Variants in ZNF33B observed in about 807,000 individuals in gnomAD.
The protein encoded by ZNF33B is zinc finger protein 33B.
In ZNF33B, 29 loss-of-function variants were observed where a neutral mutation model predicts 45.8. The ratio of observed to expected loss-of-function variants is 0.63; its 90% confidence interval spans 0.47 to 0.86. The LOEUF (loss-of-function observed/expected upper bound fraction) is 0.86. ZNF33B is among the 40% of genes least tolerant of loss of function. The probability of loss-of-function intolerance (pLI) is 0.00; values close to 1 mark genes in which losing one functional copy is unlikely to be tolerated. For synonymous variants in ZNF33B, 305 were observed against 307.8 expected (o/e 0.99, Z 0.10); for missense variants, 831 against 909.9 (o/e 0.91, Z 1.12).
intron 4 of ZNF33B, among the ~76,000 whole-genome samples, chr10:42,619,038 T>G (rs537054417): frequency 6.6e-6 from 1 of 151,978 alleles, no homozygotes; most frequent in East Asian, 1.9e-4. Context: ...TGTTCTCGAA[T>G]GGACAACTGG....
intron 4 of ZNF33B, among the ~76,000 whole-genome samples, chr10:42,597,946 C>T (rs557575597): frequency 5.4e-4 from 82 of 152,176 alleles, no homozygotes; most frequent in Non-Finnish European, 1.0e-3. Context: ...ATTGGAAACA[C>T]CTGTTTATGC....
chr10:42,580,144 C>T (rs1836803224), intron 1 of ZNF33B, among the ~76,000 whole-genome samples: 2 of 152,124 alleles, frequency 1.3e-5, no homozygotes, highest in Non-Finnish European at 2.9e-5. Context: ...ATACCTGGCA[C>T]CAATATTATA....
rs1373402433 is a variant in ZNF33B at position 42,590,511 on chromosome 10, A to G, written c.*2102T>C. On this transcript the variant is annotated 3_prime_UTR_variant, in exon 5 of 5. Coordinates refer to ENST00000359467, the MANE Select transcript of ZNF33B (RefSeq NM_006955.3). ...GTGATTCTTCTGCCTCAGCCTCCTG[A>G]GTAGCTTGGACTATACACGCATGCC... 6.6e-6 allele frequency: 1 copy of G among 152,200 alleles called. No homozygotes were observed. The highest frequency in any genetic ancestry group is 2.4e-5 in the African/African-American group (1 of 41,416). 9.4% of individuals were successfully genotyped at this position (152,200 alleles called of 1,614,324 possible).
chr10:42,601,476 T>G (rs1052455980), intron 4 of ZNF33B, among the ~76,000 whole-genome samples: 54 of 137,530 alleles, frequency 3.9e-4, no homozygotes, highest in Non-Finnish European at 2.4e-4. Flanking sequence ...TTGTTTTTTT[T>G]TTTTTTTTTT....
At chr10:42,605,232 A>G (rs1564508878) in intron 4 of ZNF33B, 1 of 150,770 alleles carries the variant, frequency 6.6e-6, no homozygotes, top group Non-Finnish European at 1.5e-5. Flanking sequence ...CACAAGAAAG[A>G]CAGAGAAGTT....
intron 1 of ZNF33B, among the ~76,000 whole-genome samples, chr10:42,576,008 A>G (rs902811096): frequency 1.3e-5 from 2 of 151,834 alleles, no homozygotes; most frequent in Non-Finnish European, 2.9e-5. Flanking sequence ...CTCCTGCCTC[A>G]GCCTTCTGAG....
chr10:42,599,345 A>G (rs1357198952), intron 4 of ZNF33B, among the ~76,000 whole-genome samples: 1 of 151,962 alleles, frequency 6.6e-6, no homozygotes, highest in Non-Finnish European at 1.5e-5. Flanking sequence ...TTCTACTATT[A>G]TATGGATTTG....
intron 4 of ZNF33B, among the ~76,000 whole-genome samples, chr10:42,631,244 C>T (rs1246958601): frequency 6.6e-6 from 1 of 151,822 alleles, no homozygotes. Context: ...CTCGCTCTGT[C>T]GCCCAGGCTA....
Position 42,634,790 on chromosome 10 carries a change from G to A in ZNF33B, c.9+2130C>T, listed in dbSNP as rs548651401. On this transcript the variant is annotated intron_variant, in intron 2 of 4. Coordinates refer to ENST00000359467, the MANE Select transcript of ZNF33B (RefSeq NM_006955.3). Reference sequence around the variant, plus strand: ...AGACACCCATTCCAATGAAAGAGAGGTAAATGTGAATGCCAAAACAATAAA... The same window carrying A: ...AGACACCCATTCCAATGAAAGAGAGATAAATGTGAATGCCAAAACAATAAA... Among the ~76,000 whole-genome samples, 3 of 152,298 alleles carry A rather than the reference G, an allele frequency of 2.0e-5. No homozygotes were observed. The East Asian group carries it at 5.8e-4, about 29-fold the overall frequency.
At chr10:42,605,082 C>T (rs1347094289) in intron 4 of ZNF33B, 1 of 151,242 alleles carries the variant, frequency 6.6e-6, no homozygotes, top group East Asian at 1.9e-4. Context: ...TTAACTACAC[C>T]AATATATTCA....
chr10:42,581,301 T>A (rs1836819352), intron 1 of ZNF33B, among the ~76,000 whole-genome samples: 3 of 151,570 alleles, frequency 2.0e-5, no homozygotes, highest in Admixed American at 1.3e-4. Context: ...ACCTCGTTAC[T>A]AAAAATACAA....
chr10:42,627,200 C>T (rs1289762427), intron 4 of ZNF33B, among the ~76,000 whole-genome samples: 4 of 152,138 alleles, frequency 2.6e-5, no homozygotes, highest in Non-Finnish European at 4.4e-5. Context: ...GACGGAGTTT[C>T]ACCATGTTGG....
chr10:42,632,530 T>A (rs1839109040), intron 2 of ZNF33B, 91 bp from the exon 3 acceptor site: 1 of 1,487,802 alleles, frequency 6.7e-7, no homozygotes, highest in Non-Finnish European at 9.0e-7. Context: ...TTTTGCTTTA[T>A]ACTTTTAGGG....
intron 2 of ZNF33B, among the ~76,000 whole-genome samples, chr10:42,632,695 C>CA (rs1459744621): frequency 3.3e-5 from 5 of 152,170 alleles, no homozygotes; most frequent in Admixed American, 3.3e-4. Context: ...AAAGAACACA[C>CA]AGAGTGGTAA....
chr10:42,583,728 C>A (rs1440187083), intron 1 of ZNF33B, among the ~76,000 whole-genome samples: 2 of 152,094 alleles, frequency 1.3e-5, no homozygotes, highest in African/African-American at 4.8e-5. Flanking sequence ...TGCAATACTT[C>A]CCTTAACTCG....
At chr10:42,597,123 C>T (rs912667537) in intron 4 of ZNF33B, among the ~76,000 whole-genome samples, 8 of 151,958 alleles carry the variant, frequency 5.3e-5, no homozygotes, top group African/African-American at 1.9e-4. Flanking sequence ...GAAATGGATG[C>T]TAAATTTTGT....
chr10:42,604,712 G>A lies in ZNF33B; in HGVS notation c.251-10013C>T, dbSNP rs112307903. On this transcript the variant is annotated intron_variant, in intron 4 of 4. Transcript: ENST00000359467. The stretch of plus-strand genomic sequence containing the variant: ...CAAATCACCTGACGTCTAGGAGTTC[G>A]AGACCAGCCTGACCAACATGGTGAA... Among the ~76,000 whole-genome samples, 1,356 of 152,120 alleles carry A rather than the reference G, an allele frequency of 8.9e-3. 16 individuals are homozygous for A. The highest frequency in any genetic ancestry group is 0.031 in the African/African-American group (1,277 of 41,512).
At chr10:42,632,091 G>T (rs1839087093) in intron 3 of ZNF33B, 67 bp from the exon 4 acceptor site, 1 of 1,550,060 alleles carries the variant, frequency 6.5e-7, no homozygotes, top group Non-Finnish European at 8.9e-7. Context: ...GAAGCAGGAA[G>T]AAGCTTCTGG....
chr10:42,624,247 C>T (rs1838707075), intron 4 of ZNF33B, among the ~76,000 whole-genome samples: 2 of 152,176 alleles, frequency 1.3e-5, no homozygotes, highest in South Asian at 4.1e-4. Flanking sequence ...CAAACACCAC[C>T]ACACTAGGGT....
Sources: allele counts gnomAD v4.1 joint callset (sites outside exome capture counted in the v4.1 genomes callset), GRCh38; gene constraint gnomAD v4.1.1; transcripts MANE v1.5; gene names NCBI Gene and HGNC (gene_info 2026-07-23, HGNC 2026-07-21).